WDR44: variants seen among roughly 807,000 people sequenced by gnomAD.
WDR44 encodes the protein WD repeat domain 44, also known as WD repeat-containing protein 44.
WDR44 carries 9 observed loss-of-function variants against 65.7 expected under a neutral mutation model. The ratio of observed to expected loss-of-function variants is 0.14; its 90% CI spans 0.08 to 0.24. The LOEUF is 0.24. Among genes scored for constraint, WDR44 ranks in the 10% least tolerant of loss-of-function variants. The pLI, the probability that WDR44 is intolerant of heterozygous loss-of-function variation, is 1.00. For missense variants in WDR44, 425 were observed against 670.9 expected (o/e 0.63, Z 4.05); for synonymous variants, 220 against 235.2 (o/e 0.94, Z 0.59).
chrX:118,402,011 T>G (rs779164250), intron 8 of WDR44, among the ~76,000 whole-genome samples: 24 of 106,528 alleles, frequency 2.3e-4, no homozygotes, highest in South Asian at 8.0e-4. Context: ...TTGTTTTTTT[T>G]GTTTTTTTGG....
At chrX:118,389,924 C>T (rs1159116800) in intron 3 of WDR44, among the ~76,000 whole-genome samples, 1 of 107,925 alleles carries the variant, frequency 9.3e-6, no homozygotes. Flanking sequence ...ACTTGAGTCT[C>T]GCTCTGTTGC....
At chrX:118,379,598 CTG>C (rs2056696299) in intron 2 of WDR44, among the ~76,000 whole-genome samples, 1 of 111,136 alleles carries the variant, frequency 9.0e-6, no homozygotes, top group Non-Finnish European at 1.9e-5. Context: ...CGTGGTAAAA[CTG>C]TGAAGAATTA....
rs144643292 is a variant in WDR44, at chrX:118,354,367, A to G, written c.77+7787A>G. On this transcript the variant is annotated intron_variant, in intron 1 of 19. Coordinates refer to ENST00000254029, the MANE Select transcript of WDR44 (RefSeq NM_019045.5). ...CAGGAGGTCGAGGGTGCAGTGAGCT[A>G]TGGTCACGCCACTGTACTCTGGCCT... Among the ~76,000 whole-genome samples the G allele has an allele frequency of 6.0e-3, 661 of 109,367 alleles. 12 individuals carry two copies. The highest frequency in any genetic ancestry group is 0.02 in the African/African-American group (611 of 30,116). The allele number at this position is 109,367 out of a possible 115,157, so 95.0% of individuals were successfully genotyped here.
chrX:118,408,563 A>G (rs1339444336), intron 10 of WDR44, among the ~76,000 whole-genome samples: 1 of 110,479 alleles, frequency 9.1e-6, no homozygotes, highest in Admixed American at 9.6e-5. Flanking sequence ...ATGCCTGGCT[A>G]ATTTTTTGTA....
chrX:118,434,948 C>T (rs1373008478), intron 13 of WDR44, among the ~76,000 whole-genome samples: 8 of 111,134 alleles, frequency 7.2e-5, no homozygotes, highest in Non-Finnish European at 1.3e-4. Flanking sequence ...GATTTTGTCT[C>T]GAGGAAGAGA....
intron 1 of WDR44, among the ~76,000 whole-genome samples, chrX:118,362,473 G>T (rs2056519969): frequency 9.0e-6 from 1 of 111,610 alleles, no homozygotes; most frequent in African/African-American, 3.3e-5. Context: ...TCTTGGTTTT[G>T]TGGGGCAATC....
At chrX:118,366,137 C>G (rs1312624221) in intron 1 of WDR44, among the ~76,000 whole-genome samples, 1 of 111,501 alleles carries the variant, frequency 9.0e-6, no homozygotes, top group African/African-American at 3.3e-5. Flanking sequence ...TTGTTTTTCC[C>G]TTTCTGGTTT....
chrX:118,372,108 T>C (rs187034218), intron 1 of WDR44, among the ~76,000 whole-genome samples: 2 of 109,658 alleles, frequency 1.8e-5, no homozygotes, highest in East Asian at 5.6e-4. Flanking sequence ...GTATGTCTGA[T>C]TATATCCGTG....
chrX:118,418,244 C>T (rs111638855), intron 12 of WDR44, among the ~76,000 whole-genome samples: 10 of 110,891 alleles, frequency 9.0e-5, no homozygotes, highest in African/African-American at 2.9e-4. Flanking sequence ...TGTGATTTTT[C>T]GGGGGTTGTT....
intron 1 of WDR44, 64 bp from the exon 2 acceptor site, chrX:118,378,355 G>T (rs1271879791): frequency 4.4e-6 from 4 of 906,852 alleles, no homozygotes; most frequent in Non-Finnish European, 6.3e-6. Flanking sequence ...TGTAGTAAGT[G>T]TATAGAAGTA....
chrX:118,434,344 A>G (rs1173856927), intron 13 of WDR44, among the ~76,000 whole-genome samples: 1 of 111,520 alleles, frequency 9.0e-6, no homozygotes, highest in East Asian at 2.8e-4. Flanking sequence ...TGAAGAGATA[A>G]GTGCAGAAAC....
intron 8 of WDR44, among the ~76,000 whole-genome samples, chrX:118,402,933 G>A (rs2056932429): frequency 9.0e-6 from 1 of 111,522 alleles, no homozygotes; most frequent in South Asian, 3.8e-4. Flanking sequence ...TTATCCATGG[G>A]GTATACGTTC....
At chrX:118,351,162 A>G (rs186753417) in intron 1 of WDR44, among the ~76,000 whole-genome samples, 1 of 112,542 alleles carries the variant, frequency 8.9e-6, no homozygotes, top group East Asian at 2.8e-4. Flanking sequence ...GTGAAAGTGA[A>G]AAACAATGGC....
intron 7 of WDR44, among the ~76,000 whole-genome samples, chrX:118,397,319 T>A (rs947227163): frequency 2.7e-5 from 3 of 111,196 alleles, no homozygotes; most frequent in African/African-American, 9.8e-5. Context: ...TTAAATCCCA[T>A]AGCACTTAAT....
chrX:118,417,512 C>T (rs1158475501), intron 12 of WDR44, among the ~76,000 whole-genome samples: 2 of 111,791 alleles, frequency 1.8e-5, no homozygotes, highest in Non-Finnish European at 3.8e-5. Flanking sequence ...GATAGGGCCC[C>T]AATCCCTTCT....
Position 118,404,813 on chromosome X carries a change from G to A in WDR44, c.1381+369G>A, listed in dbSNP as rs189110295. 4.2e-3 allele frequency among the ~76,000 whole-genome samples: 461 copies of A among 110,943 alleles called. 1 individual carries two copies. The highest frequency in any genetic ancestry group is 0.014 in the South Asian group (37 of 2,643). On this transcript the variant is annotated intron_variant, in intron 9 of 19. Transcript: ENST00000254029. ...CCTCCCAGGTTCACACCATTCTCCT[G>A]CCTCAGCCTCCCGAGTAGCTGGGAC...
At chrX:118,360,463 A>G (rs2056501415) in intron 1 of WDR44, among the ~76,000 whole-genome samples, 1 of 111,998 alleles carries the variant, frequency 8.9e-6, no homozygotes, top group African/African-American at 3.2e-5. Flanking sequence ...GGCCCAAGAA[A>G]GAGTTCTTGT....
intron 13 of WDR44, among the ~76,000 whole-genome samples, chrX:118,434,135 A>G (rs1168674195): frequency 1.8e-5 from 2 of 112,219 alleles, no homozygotes; most frequent in Non-Finnish European, 3.8e-5. Context: ...AGATTTAAGA[A>G]ATCATAAATT....
chrX:118,346,224 G>T lies in WDR44; in HGVS notation c.-280G>T. 1 of 313,686 alleles carries T rather than the reference G, an allele frequency of 3.2e-6. No homozygotes were observed. Among genetic ancestry groups the T allele is most frequent in the Non-Finnish European group, 5.6e-6 (1 of 180,095 alleles). The allele number at this position is 313,686 out of a possible 1,213,427, so 25.9% of individuals were successfully genotyped here. ...ACTGCGAGGAGCCACCGCCTCTTTC[G>T]CGCTCCTTATACACCTATCACTGGG... On this transcript the variant is annotated 5_prime_UTR_variant, in exon 1 of 20. Transcript: ENST00000254029.
Sources: gnomAD v4.1 joint callset for allele counts (sites outside exome capture counted in the v4.1 genomes callset) on GRCh38, gnomAD v4.1.1 for gene constraint, MANE v1.5 for transcripts, NCBI Gene and HGNC (gene_info 2026-07-23, HGNC 2026-07-21) for gene names.